The following SPATA16 variants were observed in gnomAD, a reference collection of about 807,000 sequenced individuals.
SPATA16 encodes the protein spermatogenesis-associated protein 16.
In SPATA16, 36 loss-of-function variants were observed where a neutral mutation model predicts 63.3. That is an observed-to-expected ratio of 0.57 (90% confidence interval 0.44 to 0.75). The LOEUF (loss-of-function observed/expected upper bound fraction) is 0.75, where lower values mean the gene tolerates loss of function less well. Ranked by LOEUF, SPATA16 falls within the 30% of genes least tolerant of loss-of-function variation. The pLI is 0.00. For synonymous variants in SPATA16, 203 were observed against 216.7 expected (o/e 0.94, Z 0.56); for missense variants, 646 against 679.3 (o/e 0.95, Z 0.54).
intron 6 of SPATA16, among the ~76,000 whole-genome samples, chr3:172,940,675 A>C (rs1733123600): frequency 1.3e-5 from 2 of 152,198 alleles, no homozygotes; most frequent in Admixed American, 1.3e-4. Flanking sequence ...GTACCTCTGA[A>C]CTTAAAATAA....
intron 9 of SPATA16, among the ~76,000 whole-genome samples, chr3:172,914,663 A>G (rs926418355): frequency 3.3e-5 from 5 of 152,168 alleles, no homozygotes; most frequent in African/African-American, 1.2e-4. Context: ...ATTGAAGGTC[A>G]TCAAACCTTA....
chr3:173,114,971 T>C (rs1450260450), intron 2 of SPATA16, among the ~76,000 whole-genome samples: 1 of 152,210 alleles, frequency 6.6e-6, no homozygotes, highest in South Asian at 2.1e-4. Flanking sequence ...CTAGGCCAGA[T>C]GTCTAAGCTA....
In SPATA16 at chr3:172,946,069, C is replaced by A. The variant is rs187487362; in HGVS notation, c.1081+10608G>T. Among the ~76,000 whole-genome samples, 528 of 152,262 alleles carry A rather than the reference C, an allele frequency of 3.5e-3. 1 individual carries two copies. Among genetic ancestry groups the A allele is most frequent in the Admixed American group, 6.0e-3 (92 of 15,294 alleles). The stretch of plus-strand genomic sequence containing the variant: ...ACCAGCCCAGCCACAGGATAGGGCA[C>A]TATTCTCTCAGACAACATTACCAGA... On this transcript the variant is annotated intron_variant, in intron 6 of 10. Coordinates refer to ENST00000351008, the MANE Select transcript of SPATA16 (RefSeq NM_031955.6).
chr3:172,931,917 T>C (rs558285783), intron 6 of SPATA16, among the ~76,000 whole-genome samples: 1 of 152,314 alleles, frequency 6.6e-6, no homozygotes, highest in Non-Finnish European at 1.5e-5. Context: ...GTTGGCTTGC[T>C]GCAGCTTTTT....
At chr3:173,061,445 A>G (rs569595101) in intron 2 of SPATA16, among the ~76,000 whole-genome samples, 6 of 152,296 alleles carry the variant, frequency 3.9e-5, no homozygotes, top group Non-Finnish European at 5.9e-5. Flanking sequence ...ATAGATTTTC[A>G]TAGTTATTGT....
chr3:172,907,880 G>T (rs1283897798), intron 10 of SPATA16, among the ~76,000 whole-genome samples: 1 of 152,054 alleles, frequency 6.6e-6, no homozygotes, highest in Non-Finnish European at 1.5e-5. Flanking sequence ...GCCCAGCCCA[G>T]TCTCAGGTTT....
chr3:172,935,689 G>A (rs1018343248), intron 6 of SPATA16, among the ~76,000 whole-genome samples: 1 of 152,060 alleles, frequency 6.6e-6, no homozygotes, highest in East Asian at 1.9e-4. Context: ...GTGAAATCGG[G>A]GTATCAGTAA....
Position 173,117,111 on chromosome 3 carries a change from A to T in SPATA16, c.612+9T>A, listed in dbSNP as rs1355258642. On this transcript the variant is annotated intron_variant, in intron 2 of 10. Transcript: ENST00000351008. Reference sequence around the variant, plus strand: ...CTGTCACCAATCTATATTTTCTTTAATCCCATACCTCAAGTGCTGTTCTGA... The same window carrying T: ...CTGTCACCAATCTATATTTTCTTTATTCCCATACCTCAAGTGCTGTTCTGA... The T allele has an allele frequency of 6.2e-7, 1 of 1,613,520 alleles. No homozygotes were observed. The highest frequency in any genetic ancestry group is 1.3e-5 in the African/African-American group (1 of 74,868).
chr3:173,047,257 A>G (rs1735979473), intron 3 of SPATA16, among the ~76,000 whole-genome samples: 2 of 151,014 alleles, frequency 1.3e-5, no homozygotes, highest in South Asian at 4.2e-4. Context: ...CTTATTTTTA[A>G]TAACATTGAA....
chr3:173,075,920 A>T (rs1736791170), intron 2 of SPATA16, among the ~76,000 whole-genome samples: 1 of 152,164 alleles, frequency 6.6e-6, no homozygotes, highest in Admixed American at 6.5e-5. Flanking sequence ...GAAAGAGTGG[A>T]ATTGGAATAT....
At chr3:173,108,572 A>T (rs1737673848) in intron 2 of SPATA16, among the ~76,000 whole-genome samples, 1 of 151,892 alleles carries the variant, frequency 6.6e-6, no homozygotes, top group Admixed American at 6.6e-5. Context: ...ATTGTACTGG[A>T]CTCTCTGAGA....
intron 2 of SPATA16, among the ~76,000 whole-genome samples, chr3:173,078,087 C>A (rs1736846596): frequency 6.6e-6 from 1 of 151,974 alleles, no homozygotes; most frequent in Admixed American, 6.6e-5. Flanking sequence ...GTGCTAAGCC[C>A]TTTACTTGTA....
At chr3:172,925,533 G>T (rs1461145941) in intron 6 of SPATA16, 41 bp from the exon 7 acceptor site, 2 of 1,613,174 alleles carry the variant, frequency 1.2e-6, no homozygotes, top group Middle Eastern at 1.7e-4. Context: ...CTTTGTTATG[G>T]TTTTAATATT....
At chr3:173,020,607 T>C (rs1284878965) in intron 3 of SPATA16, among the ~76,000 whole-genome samples, 1 of 152,202 alleles carries the variant, frequency 6.6e-6, no homozygotes, top group East Asian at 1.9e-4. Context: ...CTAGCTGCCT[T>C]CTTCTCCTAG....
chr3:173,089,997 A>T (rs1737182081), intron 2 of SPATA16, among the ~76,000 whole-genome samples: 1 of 152,328 alleles, frequency 6.6e-6, no homozygotes, highest in African/African-American at 2.4e-5. Context: ...GTGCTAAAGA[A>T]CTACCTCAAA....
At chr3:172,926,989 A>G (rs1341536166) in intron 6 of SPATA16, among the ~76,000 whole-genome samples, 1 of 152,204 alleles carries the variant, frequency 6.6e-6, no homozygotes, top group African/African-American at 2.4e-5. Flanking sequence ...TCAGAACTCA[A>G]ATGGTAATTG....
chr3:173,111,364 C>T (rs1270827255), intron 2 of SPATA16, among the ~76,000 whole-genome samples: 5 of 152,066 alleles, frequency 3.3e-5, no homozygotes, highest in South Asian at 4.2e-4. Flanking sequence ...GAGCCGAGAT[C>T]GTACCACTGC....
In SPATA16 at chr3:172,927,583, G is replaced by A. The variant is rs557878508; in HGVS notation, c.1082-2091C>T. ...TTTTTCAATCATGGAGTGGGAAGCA[G>A]GGCATATTATCAGGCCCACCTTACA... On this transcript the variant is annotated intron_variant, in intron 6 of 10. Coordinates refer to ENST00000351008, the MANE Select transcript of SPATA16 (RefSeq NM_031955.6). 2.0e-5 allele frequency among the ~76,000 whole-genome samples: 3 copies of A among 152,240 alleles called. No homozygotes were observed. In the East Asian group the frequency reaches 5.8e-4, roughly 29 times the overall value.
chr3:173,095,087 C>T (rs968013114), intron 2 of SPATA16, among the ~76,000 whole-genome samples: 5 of 152,126 alleles, frequency 3.3e-5, no homozygotes, highest in African/African-American at 7.2e-5. Context: ...CAAGCTCTAG[C>T]TTTGCTACTT....
Sources: gnomAD v4.1 joint callset for allele counts (sites outside exome capture counted in the v4.1 genomes callset) on GRCh38, gnomAD v4.1.1 for gene constraint, MANE v1.5 for transcripts, NCBI Gene and HGNC (gene_info 2026-07-23, HGNC 2026-07-21) for gene names.